Variants in HELZ2 observed in about 807,000 individuals in gnomAD.
The protein encoded by HELZ2 is 3'-5' exoribonuclease HELZ2.
Under a neutral mutation model 208.8 loss-of-function variants are expected in HELZ2, and 143 were observed. The observed-to-expected ratio is 0.68, with a 90% CI of 0.60 to 0.79. The LOEUF is 0.79. Ranked by LOEUF, HELZ2 falls within the 30% of genes least tolerant of loss-of-function variation. HELZ2 has a pLI of 0.00. For synonymous variants in HELZ2, 1,705 were observed against 1,693.7 expected (o/e 1.01, Z -0.16); for missense variants, 3,690 against 3,794.5 (o/e 0.97, Z 0.72).
chr20:63,561,339 C>A lies in HELZ2; in HGVS notation c.6953+11G>T. On this transcript the variant is annotated intron_variant, in intron 13 of 18. Coordinates refer to ENST00000467148, the Ensembl canonical transcript of HELZ2. The stretch of plus-strand genomic sequence containing the variant: ...TGCAGGCAGCTCCACCCCCTGGCCC[C>A]TGCCACTTACCAGACCAGGTCCTCC... 6.2e-7 allele frequency: 1 copy of A among 1,612,906 alleles called. No homozygotes were observed. The highest frequency in any genetic ancestry group is 8.5e-7 in the Non-Finnish European group (1 of 1,179,924).
chr20:63,562,154 G>A (rs779345189), exon 10 of HELZ2: 4 of 1,611,872 alleles, frequency 2.5e-6, no homozygotes, highest in Non-Finnish European at 3.4e-6. Flanking sequence ...GCTTGTGGCG[G>A]CCTCCGGGGA....
chr20:63,565,276 C>T (rs1222072901), exon 8 of HELZ2: 6 of 1,605,318 alleles, frequency 3.7e-6, no homozygotes, highest in East Asian at 4.5e-5. Flanking sequence ...GCCCCTCGGG[C>T]GCCTTGTCTC....
intron 6 of HELZ2, 49 bp from the exon 8 acceptor site, chr20:63,566,502 C>T (rs4992325): frequency 1.8e-6 from 2 of 1,097,464 alleles, no homozygotes; most frequent in Admixed American, 3.6e-5. Context: ...AGTGAGGACT[C>T]GGCCACCCCC....
intron 1 of HELZ2, 161 bp from the exon 3 acceptor site, chr20:63,571,029 T>G: frequency 1.7e-6 from 1 of 592,748 alleles, no homozygotes; most frequent in Non-Finnish European, 2.9e-6. Flanking sequence ...GCTCAAGCAG[T>G]TCCCAAACAT....
chr20:63,567,359 C>G, exon 6 of HELZ2: 1 of 1,603,286 alleles, frequency 6.2e-7, no homozygotes, highest in Non-Finnish European at 8.5e-7. Flanking sequence ...GCCGCCTCAT[C>G]GATGAGAATG....
chr20:63,563,046 G>A (rs770424257), exon 8 of HELZ2: 6 of 1,599,484 alleles, frequency 3.8e-6, no homozygotes, highest in South Asian at 3.3e-5. Context: ...CGGTACACAC[G>A]GCCTGAGAAG....
exon 5 of HELZ2, chr20:63,568,812 G>T (rs2082990191): frequency 1.6e-5 from 26 of 1,612,108 alleles, no homozygotes; most frequent in Non-Finnish European, 2.2e-5. Context: ...GTATTGTCGG[G>T]TGCAGGTACA....
chr20:63,570,887 A>G lies in HELZ2; in HGVS notation c.279-19T>C, dbSNP rs402211. ...GTCAGGCCTGGGGGACAGGGAGGTCAGCAGGGCTACACAGAGGCACAGCCG... is the reference window on the plus strand; with the variant it reads ...GTCAGGCCTGGGGGACAGGGAGGTCGGCAGGGCTACACAGAGGCACAGCCG... On this transcript the variant is annotated intron_variant, in intron 1 of 18. Coordinates refer to ENST00000467148, the Ensembl canonical transcript of HELZ2. The G allele has an allele frequency of 0.93, 1,458,182 of 1,563,602 alleles. 680,461 individuals are homozygous for G. Among genetic ancestry groups the G allele is most frequent in the East Asian group, 1 (44,044 of 44,052 alleles).
At chr20:63,573,120 G>A (rs780790949), upstream of HELZ2, 2 of 152,342 alleles carry the variant, frequency 1.3e-5, no homozygotes, top group Non-Finnish European at 2.9e-5. This position sits in a 1 kb window ranked among gnomAD's most constrained non-coding sequence, Gnocchi z 4.9. Context: ...GACCCTGGAG[G>A]CGCCACCTCG....
exon 5 of HELZ2, chr20:63,568,567 C>A: frequency 1.3e-6 from 2 of 1,588,824 alleles, no homozygotes; most frequent in Non-Finnish European, 1.7e-6. Context: ...GTGGGACAGA[C>A]CAAGGTCTGG....
rs376955095 is a variant in HELZ2 at position 63,569,557 on chromosome 20, G to C, written c.679C>G (p.Arg227Gly). The change falls in exon 4 of 19, where the codon CGT becomes GGT. Residue 227 changes from arginine to glycine, a missense_variant. Arg to Gly is a moderately radical substitution (Grantham distance 125). Coordinates refer to ENST00000467148, the Ensembl canonical transcript of HELZ2. Reference sequence around the variant, plus strand: ...AAGTCGGCAGTGGAGCTGGGCACACGGAAGCGCTCACCCCGTGCGTAGAGC... The same window carrying C: ...AAGTCGGCAGTGGAGCTGGGCACACCGAAGCGCTCACCCCGTGCGTAGAGC... 1.2e-6 allele frequency: 2 copies of C among 1,601,732 alleles called. No individual in the cohort carries two copies. Among genetic ancestry groups the C allele is most frequent in the African/African-American group, 2.7e-5 (2 of 74,612 alleles).
intron 6 of HELZ2, 52 bp downstream of exon 7, chr20:63,566,792 C>T: frequency 2.0e-6 from 3 of 1,508,896 alleles, no homozygotes; most frequent in Non-Finnish European, 2.7e-6. Context: ...GAGAGCTCCC[C>T]CTCCCCCAGC....
chr20:63,558,480 G>A (rs1480081044), downstream of HELZ2: 1 of 152,382 alleles, frequency 6.6e-6, no homozygotes, highest in Non-Finnish European at 1.5e-5. Flanking sequence ...CTCTCCCAGG[G>A]AGGCCTCCTT....
chr20:63,571,055 G>A (rs1212146631), intron 1 of HELZ2, 187 bp from the exon 3 acceptor site: 3 of 550,132 alleles, frequency 5.5e-6, no homozygotes, highest in African/African-American at 3.8e-5. Flanking sequence ...TCCCTTATCC[G>A]GGTCCTCAGA....
exon 3 of HELZ2, chr20:63,570,538 G>T: frequency 6.2e-7 from 1 of 1,613,412 alleles, no homozygotes; most frequent in Non-Finnish European, 8.5e-7. Flanking sequence ...GCTGTACTGG[G>T]TCTTCCTCTC....
chr20:63,558,663 C>T (rs1370773606), downstream of HELZ2: 1 of 152,316 alleles, frequency 6.6e-6, no homozygotes, highest in Non-Finnish European at 1.5e-5. Flanking sequence ...CTCAGCCTCC[C>T]AAGTAGCTGG....
At chr20:63,564,203 A>G (rs2082922061) in exon 8 of HELZ2, 1 of 1,611,756 alleles carries the variant, frequency 6.2e-7, no homozygotes, top group Non-Finnish European at 8.5e-7. Context: ...GCTGCCCACC[A>G]GGAACTCAGC....
At position 63,560,281 on chromosome 20, in the gene HELZ2, T is replaced by TG; in HGVS notation, c.7546dup (p.Gln2516ProfsTer15). ...GTAGGGCGTGAGGACGGCGATGTCC[T>TG]GGGGCTCTACGGTCCTCCCCAGGGT... On this transcript the variant is annotated frameshift_variant, in exon 17 of 19. Transcript: ENST00000467148. LOFTEE classifies it high-confidence loss of function. 1 of 1,564,834 alleles carries TG rather than the reference T, an allele frequency of 6.4e-7. No individual in the cohort carries two copies. The highest frequency in any genetic ancestry group is 2.3e-5 in the East Asian group (1 of 42,720).
upstream of HELZ2, chr20:63,572,913 C>T (rs1027655654): frequency 6.5e-6 from 1 of 153,928 alleles, no homozygotes; most frequent in African/African-American, 2.4e-5. Context: ...ACGCGCCAGA[C>T]CTTGCTCTTG....
Sources: allele counts gnomAD v4.1 joint callset, GRCh38; gene constraint gnomAD v4.1.1; non-coding constraint Gnocchi (gnomAD v3.1); transcripts MANE v1.5; gene names NCBI Gene and HGNC (gene_info 2026-07-23, HGNC 2026-07-21).